The following CLTCL1 variants were observed in gnomAD, a reference collection of about 807,000 sequenced individuals.
CLTCL1 encodes clathrin heavy chain 2.
A neutral mutation model predicts 190.0 loss-of-function variants in CLTCL1; 159 were observed. The ratio of observed to expected loss-of-function variants is 0.84; its 90% CI spans 0.74 to 0.95. The LOEUF is 0.95. CLTCL1 is among the 40% of genes least tolerant of loss of function. The pLI, the probability that CLTCL1 is intolerant of heterozygous loss-of-function variation, is 0.00. For missense variants in CLTCL1, 1,878 were observed against 2,033.4 expected (o/e 0.92, Z 1.47); for synonymous variants, 752 against 769.6 (o/e 0.98, Z 0.38).
At chr22:19,244,859 T>C (rs979190971) in intron 3 of CLTCL1, among the ~76,000 whole-genome samples, 1 of 152,222 alleles carries the variant, frequency 6.6e-6, no homozygotes, top group African/African-American at 2.4e-5. Flanking sequence ...AATGCATTCA[T>C]TGTGCCAGGC....
intron 31 of CLTCL1, 82 bp downstream of exon 31, chr22:19,180,648 AG>A: frequency 1.4e-6 from 2 of 1,404,980 alleles, no homozygotes; most frequent in Non-Finnish European, 2.0e-6. Context: ...CCCCATCCAA[AG>A]CCCAGCCAGG....
In CLTCL1 at chr22:19,276,446, C is replaced by T. The variant is rs555544202; in HGVS notation, c.43-616G>A. ...CACATCTTCCAGGGCCGATGGACTG[C>T]TACTACTGTGTAAACTGAAACCAAG... On this transcript the variant is annotated intron_variant, in intron 1 of 32. Transcript: ENST00000427926. 5.8e-4 allele frequency among the ~76,000 whole-genome samples: 89 copies of T among 152,266 alleles called. 1 individual carries two copies. The highest frequency in any genetic ancestry group is 2.0e-3 in the African/African-American group (85 of 41,546).
At chr22:19,250,789 G>A (rs1226477335) in intron 3 of CLTCL1, among the ~76,000 whole-genome samples, 2 of 152,058 alleles carry the variant, frequency 1.3e-5, no homozygotes, top group African/African-American at 2.4e-5. Flanking sequence ...CCTGGGCTCA[G>A]GTTATCCACC....
intron 5 of CLTCL1, among the ~76,000 whole-genome samples, chr22:19,237,835 T>A (rs1420958541): frequency 1.3e-5 from 2 of 152,202 alleles, no homozygotes; most frequent in African/African-American, 2.4e-5. Flanking sequence ...GCATGTTAAG[T>A]TACTTCCAAA....
chr22:19,201,619 C>CACTGGT, intron 22 of CLTCL1, 126 bp from the exon 23 acceptor site: 1 of 1,024,846 alleles, frequency 9.8e-7, no homozygotes, highest in Non-Finnish European at 1.4e-6. Flanking sequence ...TCTTTCTGAT[C>CACTGGT]GCACCAGTGA....
chr22:19,266,285 G>A (rs367885933), intron 2 of CLTCL1, among the ~76,000 whole-genome samples: 29 of 152,092 alleles, frequency 1.9e-4, no homozygotes, highest in African/African-American at 2.9e-4. Flanking sequence ...TAAAAGAAGC[G>A]AATATTATGA....
intron 1 of CLTCL1, among the ~76,000 whole-genome samples, chr22:19,287,472 G>A (rs1555990793): frequency 6.6e-6 from 1 of 152,160 alleles, no homozygotes; most frequent in African/African-American, 2.4e-5. Flanking sequence ...GTTGGGCTGG[G>A]AAGAACAGGA....
At chr22:19,269,789 G>A (rs1437329790) in intron 2 of CLTCL1, among the ~76,000 whole-genome samples, 10 of 152,098 alleles carry the variant, frequency 6.6e-5, no homozygotes, top group African/African-American at 2.2e-4. Flanking sequence ...AGGGGAGTGG[G>A]GGGCGAAGAG....
At chr22:19,212,053 C>T (rs989114140) in intron 19 of CLTCL1, among the ~76,000 whole-genome samples, 10 of 151,968 alleles carry the variant, frequency 6.6e-5, no homozygotes, top group African/African-American at 1.9e-4. Flanking sequence ...AAACTATAAA[C>T]TGCTGATGAA....
rs1387875395 is a variant in CLTCL1 at position 19,179,941 on chromosome 22, G to A, written c.*49C>T. ...GAGCAGAGGCATATCCATAGGGGAAGCTGGCAGGGGCTGGGCCCACGGCAG... is the reference window on the plus strand; with the variant it reads ...GAGCAGAGGCATATCCATAGGGGAAACTGGCAGGGGCTGGGCCCACGGCAG... On this transcript the variant is annotated 3_prime_UTR_variant, in exon 33 of 33. Coordinates refer to ENST00000427926, the MANE Select transcript of CLTCL1 (RefSeq NM_007098.4). 5.6e-6 allele frequency: 3 copies of A among 537,166 alleles called. No individual in the cohort carries two copies. The East Asian group carries it at 9.4e-5, about 17-fold the overall frequency. The allele number at this position is 537,166 out of a possible 1,614,324, so 33.3% of individuals were successfully genotyped here. A position where few individuals can be genotyped will look rare whatever the true frequency, so the allele number is the denominator to read the frequency against.
In CLTCL1 at chr22:19,275,792, G is replaced by C. The variant is rs1331158690; in HGVS notation, c.81C>G (p.Phe27Leu). The C allele has an allele frequency of 1.2e-6, 2 of 1,608,012 alleles. No homozygotes were observed. The highest frequency in any genetic ancestry group is 1.7e-6 in the Non-Finnish European group (2 of 1,177,316). The change falls in exon 2 of 33, where the codon TTC (phenylalanine) becomes TTG (leucine). Residue 27 changes from phenylalanine to leucine, a missense_variant. Phe to Leu is a conservative substitution (Grantham distance 22). Coordinates refer to ENST00000427926, the MANE Select transcript of CLTCL1 (RefSeq NM_007098.4). The part of the protein sequence containing the change: ...NLGINPANIG[F>L]STLTMESDKF... The stretch of plus-strand genomic sequence containing the variant: ...TGTCAGATTCCATGGTCAGTGTGCT[G>C]AATCCAATGTTAGCTGGATTAATTC...
At chr22:19,193,794 C>T (rs1349713291) in intron 26 of CLTCL1, among the ~76,000 whole-genome samples, 8 of 152,224 alleles carry the variant, frequency 5.3e-5, no homozygotes, top group African/African-American at 1.9e-4. Context: ...GTGTGAGTTT[C>T]TTCCTTCTGG....
chr22:19,287,284 G>A (rs1446385532), intron 1 of CLTCL1, among the ~76,000 whole-genome samples: 9 of 152,082 alleles, frequency 5.9e-5, no homozygotes, highest in Admixed American at 5.9e-4. Context: ...ATTATAAGAG[G>A]AACCCCAAAG....
Position 19,183,503 on chromosome 22 carries a change from T to G in CLTCL1, c.4714A>C (p.Thr1572Pro), listed in dbSNP as rs2084209636. The change falls in exon 30 of 33, where the codon ACC (threonine) becomes CCC (proline). Residue 1572 changes from threonine to proline, a missense_variant. Thr to Pro is a conservative substitution (Grantham distance 38, BLOSUM62 -1). Coordinates refer to ENST00000427926, the MANE Select transcript of CLTCL1 (RefSeq NM_007098.4). ...KRECFAACLF[T>P]CYDLLRPDMV... ...TCTGGGCGAAGCAGGTCATAGCAGGTGAAGAGACAAGCTGCGAAGCACTCC... is the reference window on the plus strand; with the variant it reads ...TCTGGGCGAAGCAGGTCATAGCAGGGGAAGAGACAAGCTGCGAAGCACTCC... 1 of 1,613,642 alleles carries G rather than the reference T, an allele frequency of 6.2e-7. No homozygotes were observed. The highest frequency in any genetic ancestry group is 8.5e-7 in the Non-Finnish European group (1 of 1,179,876).
Position 19,188,061 on chromosome 22 carries a change from G to A in CLTCL1, c.4354C>T (p.Leu1452=). The A allele has an allele frequency of 1.1e-5, 18 of 1,614,036 alleles. No homozygotes were observed. Among genetic ancestry groups the A allele is most frequent in the Non-Finnish European group, 1.4e-5 (16 of 1,179,894 alleles). ...AGQLPLVKPY[L]RSVQSHNNKS... ...TTGTTGTGGCTCTGGACTGACCGCA[G>A]GTAAGGCTTCACCAGGGGCAGCTGA... is the stretch of plus-strand genomic sequence containing the variant. The change falls in exon 28 of 33, where the codon CTG becomes TTG. Residue 1452 remains leucine, a synonymous_variant. Transcript: ENST00000427926.
chr22:19,200,467 C>T (rs909580687), intron 23 of CLTCL1, among the ~76,000 whole-genome samples: 4 of 152,184 alleles, frequency 2.6e-5, no homozygotes, highest in East Asian at 1.9e-4. Context: ...ATATATTCCT[C>T]GCATAATATT....
chr22:19,267,919 C>T (rs868925945), intron 2 of CLTCL1, among the ~76,000 whole-genome samples: 68 of 151,334 alleles, frequency 4.5e-4, no homozygotes, highest in African/African-American at 1.6e-3. Context: ...ATTAAAACTA[C>T]AAAACCATAG....
At chr22:19,223,791 G>T in intron 14 of CLTCL1, 100 bp downstream of exon 14, 2 of 1,432,112 alleles carry the variant, frequency 1.4e-6, no homozygotes, top group Non-Finnish European at 1.9e-6. Flanking sequence ...TCCCTGGCGA[G>T]ACAGATCCAG....
chr22:19,195,031 C>G (rs2084651076), intron 26 of CLTCL1, among the ~76,000 whole-genome samples: 2 of 152,212 alleles, frequency 1.3e-5, no homozygotes, highest in African/African-American at 4.8e-5. Context: ...TCTCAGCTGT[C>G]CTGCTATTAT....
Sources: gnomAD v4.1 joint callset for allele counts (sites outside exome capture counted in the v4.1 genomes callset) on GRCh38, gnomAD v4.1.1 for gene constraint, MANE v1.5 for transcripts, NCBI Gene and HGNC (gene_info 2026-07-23, HGNC 2026-07-21) for gene names.